TRIM58: variants seen among roughly 807,000 people sequenced by gnomAD.
TRIM58 encodes the protein tripartite motif containing 58.
Under a neutral mutation model 34.1 loss-of-function variants are expected in TRIM58, and 38 were observed. The ratio of observed to expected loss-of-function variants is 1.12; its 90% CI spans 0.86 to 1.46. The LOEUF is 1.46. Among genes scored for constraint, TRIM58 ranks in the 40% most tolerant of loss-of-function variants. The pLI is 0.00. For missense variants in TRIM58, 677 were observed against 642.0 expected, an observed-to-expected ratio of 1.05 and a Z score of -0.59; for synonymous variants, 273 against 275.7, an observed-to-expected ratio of 0.99 and a Z score of 0.10.
At chr1:247,862,849 C>T (rs1373815339) in intron 2 of TRIM58, among the ~76,000 whole-genome samples, 2 of 152,124 alleles carry the variant, frequency 1.3e-5, no homozygotes, top group African/African-American at 2.4e-5. Context: ...TCTCTGTCTG[C>T]AGATATAGTT....
Position 247,878,998 on chromosome 1 carries a change from C to T in TRIM58, c.*2509C>T, listed in dbSNP as rs978383397. 6.6e-6 allele frequency among the ~76,000 whole-genome samples: 1 copy of T among 152,192 alleles called. No homozygotes were observed. The highest frequency in any genetic ancestry group is 1.5e-5 in the Non-Finnish European group (1 of 68,036). ...AACTTTGTTTCGTTACCAGCAAAATCCTCGACATCCATACCCGTTTCCTGG... is the reference window on the plus strand; with the variant it reads ...AACTTTGTTTCGTTACCAGCAAAATTCTCGACATCCATACCCGTTTCCTGG... On this transcript the variant is annotated 3_prime_UTR_variant, in exon 6 of 6. Transcript: ENST00000366481.
At position 247,870,315 on chromosome 1, in the gene TRIM58, G is replaced by A. The variant is rs113307256; in HGVS notation, c.871+2252G>A. ...TATTCATGAGCAGTATCAGAGTCAC[G>A]GCCACCCATAGAGCCTGCACCACCA... On this transcript the variant is annotated intron_variant, in intron 5 of 5. Coordinates refer to ENST00000366481, the MANE Select transcript of TRIM58 (RefSeq NM_015431.4). Among the ~76,000 whole-genome samples the A allele has an allele frequency of 8.6e-3, 1,260 of 146,434 alleles. 44 individuals are homozygous for A. The highest frequency in any genetic ancestry group is 0.033 in the African/African-American group (1,205 of 36,624).
At position 247,877,188 on chromosome 1, in the gene TRIM58, A is replaced by G. The variant is rs1162967922; in HGVS notation, c.*699A>G. The G allele has an allele frequency of 6.6e-6, 1 of 152,116 alleles. No individual in the cohort carries two copies. Among genetic ancestry groups the G allele is most frequent in the Non-Finnish European group, 1.5e-5 (1 of 68,044 alleles). 9.4% of individuals were successfully genotyped at this position (152,116 alleles called of 1,614,324 possible). ...TCTGAATCTAATATCACTAACTCCT[A>G]GACTTTTTCCGTTTTCTTTGGATAC... On this transcript the variant is annotated 3_prime_UTR_variant, in exon 6 of 6. Coordinates refer to ENST00000366481, the MANE Select transcript of TRIM58 (RefSeq NM_015431.4).
rs114925189 is a variant in TRIM58, at chr1:247,879,009, A to T, written c.*2520A>T. 2.6e-5 allele frequency among the ~76,000 whole-genome samples: 4 copies of T among 152,226 alleles called. No homozygotes were observed. The highest frequency in any genetic ancestry group is 4.4e-5 in the Non-Finnish European group (3 of 68,006). ...GTTACCAGCAAAATCCTCGACATCC[A>T]TACCCGTTTCCTGGCTTTCCCTCTC... On this transcript the variant is annotated 3_prime_UTR_variant, in exon 6 of 6. Coordinates refer to ENST00000366481, the MANE Select transcript of TRIM58 (RefSeq NM_015431.4).
At chr1:247,864,609 GC>G in intron 2 of TRIM58, 95 bp from the exon 3 acceptor site, 3 of 1,318,912 alleles carry the variant, frequency 2.3e-6, no homozygotes, top group Non-Finnish European at 3.1e-6. Flanking sequence ...GAGTTACGGA[GC>G]CCGGGGAAGT....
At position 247,876,398 on chromosome 1, in the gene TRIM58, T is replaced by A; in HGVS notation, c.1370T>A (p.Ile457Asn). The change falls in exon 6 of 6, where the codon ATC becomes AAC. Residue 457 changes from isoleucine to asparagine, a missense_variant. Coordinates refer to ENST00000366481, the MANE Select transcript of TRIM58 (RefSeq NM_015431.4). ...TTCATCTGTGATGCAACTCCTCTTATCTTGCCACCCACAACAATAGCAGGG... is the reference window on the plus strand; with the variant it reads ...TTCATCTGTGATGCAACTCCTCTTAACTTGCCACCCACAACAATAGCAGGG... ...YFFICDATPL[I>N]LPPTTIAGSG... is the part of the protein sequence containing the mutation. 6.2e-7 allele frequency: 1 copy of A among 1,614,232 alleles called. No individual in the cohort carries two copies. Among genetic ancestry groups the A allele is most frequent in the Middle Eastern group, 1.6e-4 (1 of 6,062 alleles).
chr1:247,873,514 C>T (rs1659196910), intron 5 of TRIM58, among the ~76,000 whole-genome samples: 1 of 152,284 alleles, frequency 6.6e-6, no homozygotes, highest in South Asian at 2.1e-4. Flanking sequence ...ACCTTTCAAT[C>T]TCTGTTATTT....
intron 2 of TRIM58, among the ~76,000 whole-genome samples, chr1:247,861,263 A>G (rs1663787363): frequency 6.6e-6 from 1 of 151,654 alleles, no homozygotes; most frequent in African/African-American, 2.4e-5. Flanking sequence ...ATTCATACAC[A>G]CACAGTGATT....
chr1:247,864,562 C>T (rs1663872612), intron 2 of TRIM58, 143 bp from the exon 3 acceptor site: 2 of 750,898 alleles, frequency 2.7e-6, no homozygotes, highest in Non-Finnish European at 4.3e-6. Context: ...GGACTCCAGT[C>T]TGTGCATGTT....
intron 2 of TRIM58, among the ~76,000 whole-genome samples, chr1:247,863,018 G>C (rs1017361099): frequency 6.6e-6 from 1 of 152,138 alleles, no homozygotes; most frequent in Admixed American, 6.5e-5. Context: ...GATATGAAGA[G>C]AGCTTCTCAT....
intron 1 of TRIM58, among the ~76,000 whole-genome samples, chr1:247,858,795 C>T (rs1431035162): frequency 4.2e-5 from 5 of 117,786 alleles, no homozygotes; most frequent in African/African-American, 1.4e-4. Context: ...GAGTCTAGTT[C>T]TGTAGCTCAG....
chr1:247,867,932 C>T (rs550625724), intron 4 of TRIM58, 31 bp from the exon 5 acceptor site: 1 of 1,613,208 alleles, frequency 6.2e-7, no homozygotes, highest in Non-Finnish European at 8.5e-7. Flanking sequence ...GAGAACCCTG[C>T]TGACTTCTGT....
intron 5 of TRIM58, among the ~76,000 whole-genome samples, chr1:247,875,612 G>A (rs560862444): frequency 6.6e-6 from 1 of 151,894 alleles, no homozygotes; most frequent in East Asian, 1.9e-4. Context: ...GAAACTAAAT[G>A]ATAATTCACT....
At chr1:247,859,736 A>G (rs1194457302) in intron 1 of TRIM58, among the ~76,000 whole-genome samples, 1 of 152,058 alleles carries the variant, frequency 6.6e-6, no homozygotes, top group Non-Finnish European at 1.5e-5. Flanking sequence ...TAACTTCAAG[A>G]AGTTGAAGTT....
chr1:247,857,594 G>A lies in TRIM58; in HGVS notation c.348G>A (p.Trp116Ter). The A allele has an allele frequency of 7.9e-7, 1 of 1,262,596 alleles. No individual in the cohort carries two copies. Among genetic ancestry groups the A allele is most frequent in the Non-Finnish European group, 9.9e-7 (1 of 1,007,644 alleles). The allele number at this position is 1,262,596 out of a possible 1,614,324, so 78.2% of individuals were successfully genotyped here. ...AGGAGGACGAGGCGGCGCTGTGCTG[G>A]GTGTGCGACGCCGGCCCCGAGCACA... Reference protein sequence around the residue: ...FCEEDEAALCWVCDAGPEHRT... With the variant: ...FCEEDEAALC The change falls in exon 1 of 6, where the codon TGG becomes TGA. Residue 116 changes from tryptophan to a stop codon, truncating the protein, a stop_gained. Coordinates refer to ENST00000366481, the MANE Select transcript of TRIM58 (RefSeq NM_015431.4). LOFTEE classifies it high-confidence loss of function.
chr1:247,875,875 C>T (rs368885390), intron 5 of TRIM58, 25 bp from the exon 6 acceptor site: 5 of 1,578,942 alleles, frequency 3.2e-6, no homozygotes, highest in African/African-American at 1.3e-5. Flanking sequence ...TTCCTTTCAC[C>T]TGGTCCACCA....
chr1:247,876,009 G>A lies in TRIM58; in HGVS notation c.981G>A (p.Glu327=), dbSNP rs774977404. 1 of 1,614,224 alleles carries A rather than the reference G, an allele frequency of 6.2e-7. No homozygotes were observed. The highest frequency in any genetic ancestry group is 2.2e-5 in the East Asian group (1 of 44,890). ...GGAGGGATGTCCCCAACAACCCTGA[G>A]CGATTTGACACATGGCCCTGCATCC... ...EPWRDVPNNP[E]RFDTWPCILG... The change falls in exon 6 of 6, where the codon GAG becomes GAA. Residue 327 remains glutamate, a synonymous_variant. Coordinates refer to ENST00000366481, the MANE Select transcript of TRIM58 (RefSeq NM_015431.4).
chr1:247,869,106 G>T (rs1476810545), intron 5 of TRIM58, among the ~76,000 whole-genome samples: 13 of 152,144 alleles, frequency 8.5e-5, no homozygotes, highest in Non-Finnish European at 1.8e-4. Context: ...CACCATGTTA[G>T]CCAGGCTGGT....
intron 2 of TRIM58, among the ~76,000 whole-genome samples, chr1:247,863,853 C>T (rs770482127): frequency 6.6e-5 from 10 of 152,142 alleles, no homozygotes; most frequent in Non-Finnish European, 1.5e-4. Flanking sequence ...AATTCTCTGA[C>T]GTGAACTCTG....
Sources: gnomAD v4.1 joint callset for allele counts (sites outside exome capture counted in the v4.1 genomes callset) on GRCh38, gnomAD v4.1.1 for gene constraint, MANE v1.5 for transcripts, NCBI Gene and HGNC (gene_info 2026-07-23, HGNC 2026-07-21) for gene names.